Variants in KIAA0232 observed in about 807,000 individuals in gnomAD.
KIAA0232 encodes the protein KIAA0232, also known as uncharacterized protein KIAA0232.
In KIAA0232, 27 loss-of-function variants were observed where a neutral mutation model predicts 122.0. The observed-to-expected ratio is 0.22, with a 90% CI of 0.16 to 0.31. KIAA0232 has a LOEUF of 0.31. Ranked by LOEUF, KIAA0232 falls within the 10% of genes least tolerant of loss-of-function variation. The pLI, the probability that KIAA0232 is intolerant of heterozygous loss-of-function variation, is 1.00. For missense variants in KIAA0232, 1,551 were observed against 1,634.2 expected (o/e 0.95, Z 0.88); for synonymous variants, 613 against 587.6 (o/e 1.04, Z -0.63).
At chr4:6,846,551 A>ACCTGCTTGG (rs1294629118) in intron 4 of KIAA0232, among the ~76,000 whole-genome samples, 7 of 151,924 alleles carry the variant, frequency 4.6e-5, no homozygotes, top group African/African-American at 1.4e-4. Flanking sequence ...CCCCATGCCT[A>ACCTGCTTGG]CCTGCTTGGT....
At chr4:6,848,318 C>A (rs1214283324) in intron 4 of KIAA0232, among the ~76,000 whole-genome samples, 2 of 152,150 alleles carry the variant, frequency 1.3e-5, no homozygotes, top group Non-Finnish European at 2.9e-5. Context: ...CAGTGTTTAC[C>A]TTCAAGGTTA....
At chr4:6,859,577 T>C (rs1560198407) in intron 6 of KIAA0232, among the ~76,000 whole-genome samples, 2 of 152,250 alleles carry the variant, frequency 1.3e-5, no homozygotes, top group Admixed American at 6.5e-5. Flanking sequence ...TTAAATATAT[T>C]ACTGGAGTGC....
At chr4:6,876,898 C>T (rs1208564651) in intron 9 of KIAA0232, 141 bp downstream of exon 9, 3 of 624,208 alleles carry the variant, frequency 4.8e-6, no homozygotes, top group South Asian at 3.7e-5. Flanking sequence ...TGCAGACTTC[C>T]TGTTCTCTGG....
At chr4:6,805,514 T>A (rs1191355905) in intron 2 of KIAA0232, among the ~76,000 whole-genome samples, 1 of 152,218 alleles carries the variant, frequency 6.6e-6, no homozygotes, top group Non-Finnish European at 1.5e-5. Flanking sequence ...ATAGTAATTT[T>A]AAAAATGTTA....
chr4:6,849,343 C>G (rs1320010314), intron 4 of KIAA0232, among the ~76,000 whole-genome samples: 1 of 152,150 alleles, frequency 6.6e-6, no homozygotes, highest in Non-Finnish European at 1.5e-5. Flanking sequence ...AATTCCTGGC[C>G]CGGCACAGTG....
chr4:6,840,052 A>G (rs1719560532), intron 3 of KIAA0232, among the ~76,000 whole-genome samples: 1 of 152,162 alleles, frequency 6.6e-6, no homozygotes, highest in South Asian at 2.1e-4. Context: ...TTACGGGGGA[A>G]AAAAGACTCA....
chr4:6,828,131 T>C (rs1275948369), intron 3 of KIAA0232, among the ~76,000 whole-genome samples: 1 of 152,224 alleles, frequency 6.6e-6, no homozygotes, highest in Non-Finnish European at 1.5e-5. Context: ...CAGTAGGTTA[T>C]AACATCCTTA....
chr4:6,871,415 CAG>C (rs1301886410), intron 7 of KIAA0232, among the ~76,000 whole-genome samples, 157 bp from the exon 8 acceptor site: 3 of 152,160 alleles, frequency 2.0e-5, no homozygotes, highest in Non-Finnish European at 2.9e-5. Context: ...GCCTGAGTGA[CAG>C]AGCCAGACCC....
rs943533359 is a variant in KIAA0232, at chr4:6,782,765, G to C, written c.-430G>C. On this transcript the variant is annotated 5_prime_UTR_variant, in exon 1 of 10. Transcript: ENST00000307659. ...CGCAGGCCAGGGCCGCCCGGCGCTC[G>C]GCAGCCGCCCGCAGCCCCTCGGAGC... is the stretch of plus-strand genomic sequence containing the variant. 1 of 149,136 alleles carries C rather than the reference G, an allele frequency of 6.7e-6. No individual in the cohort carries two copies. Among genetic ancestry groups the C allele is most frequent in the Admixed American group, 6.7e-5 (1 of 15,006 alleles). The allele number at this position is 149,136 out of a possible 1,614,324, so 9.2% of individuals were successfully genotyped here. A position where few individuals can be genotyped will look rare whatever the true frequency, so the allele number is the denominator to read the frequency against.
chr4:6,880,663 T>C, intron 9 of KIAA0232, 124 bp from the exon 10 acceptor site: 1 of 635,904 alleles, frequency 1.6e-6, no homozygotes, highest in South Asian at 4.6e-5. Context: ...AAACTCTGCA[T>C]GTTTGTAACT....
intron 8 of KIAA0232, among the ~76,000 whole-genome samples, chr4:6,874,038 G>T (rs903341797): frequency 2.0e-5 from 3 of 152,226 alleles, no homozygotes; most frequent in African/African-American, 7.2e-5. Flanking sequence ...TGGAAAGGAA[G>T]AGTAGCATTG....
intron 2 of KIAA0232, among the ~76,000 whole-genome samples, chr4:6,810,790 T>A (rs1455988173): frequency 6.6e-6 from 1 of 152,098 alleles, no homozygotes; most frequent in African/African-American, 2.4e-5. Flanking sequence ...AGACTTTTTT[T>A]AAAAGAAGAC....
chr4:6,859,356 T>C (rs181114688), intron 6 of KIAA0232, among the ~76,000 whole-genome samples: 112 of 152,282 alleles, frequency 7.4e-4, no homozygotes, highest in Non-Finnish European at 1.3e-3. Flanking sequence ...AAAATAGCAT[T>C]TCCTTGGTTT....
At chr4:6,791,440 C>T (rs1412183309) in intron 1 of KIAA0232, among the ~76,000 whole-genome samples, 1 of 150,462 alleles carries the variant, frequency 6.6e-6, no homozygotes, top group Non-Finnish European at 1.5e-5. Context: ...TTGATCCTCC[C>T]ACCTCAGCTT....
chr4:6,793,653 A>T (rs1302208633), intron 1 of KIAA0232, among the ~76,000 whole-genome samples: 1 of 152,152 alleles, frequency 6.6e-6, no homozygotes, highest in East Asian at 1.9e-4. Context: ...AGTGGTCAGA[A>T]TTCTTGGTGA....
intron 4 of KIAA0232, among the ~76,000 whole-genome samples, chr4:6,848,653 G>A (rs532989014): frequency 1.3e-4 from 20 of 152,336 alleles, no homozygotes; most frequent in African/African-American, 4.3e-4. Context: ...TCCTGGAAGC[G>A]ACCCAATATA....
At position 6,855,782 on chromosome 4, in the gene KIAA0232, T is replaced by C; in HGVS notation, c.370-1382T>C. ...ACTAGCCCTAGGTTTAGAAACCTAG[T>C]GACATAGGCTTGCTGTACAGAACAG... On this transcript the variant is annotated intron_variant, in intron 4 of 9. Transcript: ENST00000307659. The surrounding 1 kb of genome is among the most constrained non-coding windows in gnomAD (Gnocchi z 4.3). 1.1e-6 allele frequency: 1 copy of C among 928,878 alleles called. No individual in the cohort carries two copies. The highest frequency in any genetic ancestry group is 1.3e-6 in the Non-Finnish European group (1 of 778,322). 57.5% of individuals were successfully genotyped at this position (928,878 alleles called of 1,614,324 possible).
intron 2 of KIAA0232, among the ~76,000 whole-genome samples, chr4:6,807,044 A>ATCTATCTG (rs1717652974): frequency 7.0e-6 from 1 of 143,082 alleles, no homozygotes; most frequent in African/African-American, 2.6e-5. Flanking sequence ...CTATCTATCT[A>ATCTATCTG]TCTATCTATC....
chr4:6,867,727 G>A (rs1164263976), intron 7 of KIAA0232, among the ~76,000 whole-genome samples: 1 of 152,170 alleles, frequency 6.6e-6, no homozygotes, highest in African/African-American at 2.4e-5. Context: ...GTGCCACCCG[G>A]CACATCTATG....
Sources: gnomAD v4.1 joint callset for allele counts (sites outside exome capture counted in the v4.1 genomes callset) on GRCh38, gnomAD v4.1.1 for gene constraint, Gnocchi (gnomAD v3.1) non-coding constraint, MANE v1.5 for transcripts, NCBI Gene and HGNC (gene_info 2026-07-23, HGNC 2026-07-21) for gene names.